CAMKMT: variants seen among roughly 807,000 people sequenced by gnomAD.
The protein encoded by CAMKMT is calmodulin-lysine N-methyltransferase.
In CAMKMT, 53 loss-of-function variants were observed where a neutral mutation model predicts 48.0. The ratio of observed to expected loss-of-function variants is 1.10; its 90% CI spans 0.89 to 1.39. The LOEUF (loss-of-function observed/expected upper bound fraction) is 1.39. Ranked by LOEUF, CAMKMT falls within the 40% of genes most tolerant of loss-of-function variation. The probability of loss-of-function intolerance (pLI) is 0.00; values close to 1 mark genes in which losing one functional copy is unlikely to be tolerated. For synonymous variants in CAMKMT, 165 were observed against 152.3 expected (o/e 1.08, Z -0.61); for missense variants, 428 against 402.7 (o/e 1.06, Z -0.54).
chr2:44,549,458 C>G (rs13425435), intron 3 of CAMKMT: 3 of 662,220 alleles, frequency 4.5e-6, no homozygotes, highest in African/African-American at 1.8e-5. Context: ...TCAGTTTTTC[C>G]TGTCCAGTCA....
chr2:44,441,853 G>C (rs911750286), intron 3 of CAMKMT, among the ~76,000 whole-genome samples: 1 of 152,122 alleles, frequency 6.6e-6, no homozygotes, highest in Non-Finnish European at 1.5e-5. Context: ...TTTTATACTT[G>C]AAATAATATA....
intron 2 of CAMKMT, among the ~76,000 whole-genome samples, chr2:44,375,024 A>T (rs1358746989): frequency 6.6e-6 from 1 of 152,152 alleles, no homozygotes; most frequent in South Asian, 2.1e-4. Flanking sequence ...CCAGGCACTC[A>T]GGAGGCTGAG....
intron 3 of CAMKMT, among the ~76,000 whole-genome samples, chr2:44,674,292 T>C (rs1412651105): frequency 6.6e-6 from 1 of 152,210 alleles, no homozygotes; most frequent in African/African-American, 2.4e-5. Flanking sequence ...TTATTTGCAT[T>C]TGTATTTTGA....
At chr2:44,473,069 T>C (rs1199753743) in intron 3 of CAMKMT, among the ~76,000 whole-genome samples, 2 of 152,170 alleles carry the variant, frequency 1.3e-5, no homozygotes, top group Admixed American at 6.5e-5. Context: ...TTCAATTCCT[T>C]CCGGGTTTGG....
intron 9 of CAMKMT, among the ~76,000 whole-genome samples, chr2:44,755,231 G>A (rs1680322865): frequency 6.6e-6 from 1 of 152,010 alleles, no homozygotes; most frequent in South Asian, 2.1e-4. Context: ...CAATTCAATT[G>A]GCCTCCTCAG....
At chr2:44,631,476 A>T in intron 3 of CAMKMT, 2 of 598,030 alleles carry the variant, frequency 3.3e-6, no homozygotes, top group Non-Finnish European at 3.0e-6. Flanking sequence ...ACAATTTTTT[A>T]TTTTTTTTGT....
At chr2:44,597,670 T>C (rs1670740026) in intron 3 of CAMKMT, among the ~76,000 whole-genome samples, 1 of 152,246 alleles carries the variant, frequency 6.6e-6, no homozygotes, top group Non-Finnish European at 1.5e-5. Flanking sequence ...AATACAGTTA[T>C]CAAAATATGT....
intron 9 of CAMKMT, among the ~76,000 whole-genome samples, chr2:44,764,153 G>C (rs1415505159): frequency 2.0e-5 from 3 of 151,744 alleles, no homozygotes; most frequent in African/African-American, 7.3e-5. Flanking sequence ...AATTAATATT[G>C]AAAAAGCTGA....
chr2:44,445,645 G>GT, intron 3 of CAMKMT, among the ~76,000 whole-genome samples: 1 of 101,408 alleles, frequency 9.9e-6, no homozygotes, highest in Non-Finnish European at 2.0e-5. Context: ...CAAAAGGGTA[G>GT]TTTTTTTTTT....
chr2:44,740,951 T>C lies in CAMKMT; in HGVS notation c.624-2671T>C, dbSNP rs187677653. Reference sequence around the variant, plus strand: ...TAGGAGGGGTTGGTCAGAGATTGGCTAGAGTTGCAGTAACTGGTAAAGATA... The same window carrying C: ...TAGGAGGGGTTGGTCAGAGATTGGCCAGAGTTGCAGTAACTGGTAAAGATA... On this transcript the variant is annotated intron_variant, in intron 7 of 10. Transcript: ENST00000378494. 5.1e-4 allele frequency among the ~76,000 whole-genome samples: 77 copies of C among 152,302 alleles called. 1 individual carries two copies. The highest frequency in any genetic ancestry group is 3.4e-3 in the Middle Eastern group (1 of 294).
intron 3 of CAMKMT, among the ~76,000 whole-genome samples, chr2:44,570,790 A>G (rs539536628): frequency 6.6e-6 from 1 of 152,372 alleles, no homozygotes; most frequent in African/African-American, 2.4e-5. Context: ...GTGTTACTTC[A>G]TAATGTGGTT....
At chr2:44,590,252 T>C (rs532809810) in intron 3 of CAMKMT, among the ~76,000 whole-genome samples, 2 of 152,328 alleles carry the variant, frequency 1.3e-5, no homozygotes, top group East Asian at 3.9e-4. Context: ...GGTTTTTGTA[T>C]TGGAGTAATG....
At chr2:44,688,730 A>G (rs1467338563) in intron 3 of CAMKMT, among the ~76,000 whole-genome samples, 1 of 152,142 alleles carries the variant, frequency 6.6e-6, no homozygotes, top group Non-Finnish European at 1.5e-5. Flanking sequence ...CCCACACAGA[A>G]ATGATTCTTT....
rs150074851 is a variant in CAMKMT at position 44,552,357 on chromosome 2, G to A, written c.377-151926G>A. Among the ~76,000 whole-genome samples, 208 of 152,192 alleles carry A rather than the reference G, an allele frequency of 1.4e-3. 2 individuals carry two copies. Among genetic ancestry groups the A allele is most frequent in the African/African-American group, 4.6e-3 (190 of 41,530 alleles). ...AAGACTGTGGCTTTCTCATTAACAA[G>A]ACAGGCAAACTGAACCAATTCATTT... On this transcript the variant is annotated intron_variant, in intron 3 of 10. Coordinates refer to ENST00000378494, the MANE Select transcript of CAMKMT (RefSeq NM_024766.5).
At chr2:44,490,716 G>T (rs1346178307) in intron 3 of CAMKMT, among the ~76,000 whole-genome samples, 1 of 152,154 alleles carries the variant, frequency 6.6e-6, no homozygotes, top group Non-Finnish European at 1.5e-5. Context: ...TGAACAGTAT[G>T]TATTTCTCTC....
chr2:44,659,579 A>G lies in CAMKMT; in HGVS notation c.377-44704A>G, dbSNP rs111432823. On this transcript the variant is annotated intron_variant, in intron 3 of 10. Transcript: ENST00000378494. ...ACCCCATCTCTACAAAAAAAAAAAA[A>G]AGAAAAATTAGATGGAAATTAAATA... 4.4e-4 allele frequency among the ~76,000 whole-genome samples: 67 copies of G among 152,030 alleles called. 3 individuals carry two copies. The Middle Eastern group carries it at 0.01, about 23-fold the overall frequency.
chr2:44,624,662 A>G (rs1333074025), intron 3 of CAMKMT, among the ~76,000 whole-genome samples: 2 of 151,620 alleles, frequency 1.3e-5, no homozygotes, highest in Non-Finnish European at 3.0e-5. Context: ...TGAACTCATC[A>G]TTTTATGGCT....
rs1237964668 is a variant in CAMKMT, at chr2:44,443,613, A to C, written c.376+53308A>C. Among the ~76,000 whole-genome samples the C allele has an allele frequency of 2.0e-5, 3 of 152,228 alleles. No homozygotes were observed. The East Asian group carries it at 5.8e-4, about 29-fold the overall frequency. ...GTAGTTTAACAGGTTTAGTCACCAC[A>C]GTTGAAAGGCATCATCCTCATAATG... On this transcript the variant is annotated intron_variant, in intron 3 of 10. Transcript: ENST00000378494.
intron 3 of CAMKMT, among the ~76,000 whole-genome samples, chr2:44,524,029 G>A (rs1203893806): frequency 1.3e-5 from 2 of 151,858 alleles, no homozygotes; most frequent in Non-Finnish European, 2.9e-5. Flanking sequence ...CGCTCGCCTC[G>A]GCCTCCCAAA....
Sources: allele counts gnomAD v4.1 joint callset (sites outside exome capture counted in the v4.1 genomes callset), GRCh38; gene constraint gnomAD v4.1.1; transcripts MANE v1.5; gene names NCBI Gene and HGNC (gene_info 2026-07-23, HGNC 2026-07-21).